CHCHD3: variants seen among roughly 807,000 people sequenced by gnomAD.
The protein encoded by CHCHD3 is MICOS complex subunit MIC19.
In CHCHD3, 20 loss-of-function variants were observed where a neutral mutation model predicts 38.2. The ratio of observed to expected loss-of-function variants is 0.52; its 90% confidence interval spans 0.37 to 0.76. CHCHD3 has a LOEUF of 0.76. Among genes scored for constraint, CHCHD3 ranks in the 30% least tolerant of loss-of-function variants. The pLI, the probability that CHCHD3 is intolerant of heterozygous loss-of-function variation, is 0.00. For synonymous variants in CHCHD3, 82 were observed against 100.0 expected (o/e 0.82, Z 1.07); for missense variants, 245 against 279.2 (o/e 0.88, Z 0.87).
chr7:132,794,930 C>T (rs1482510404), intron 7 of CHCHD3, among the ~76,000 whole-genome samples: 2 of 152,224 alleles, frequency 1.3e-5, no homozygotes, highest in Admixed American at 6.5e-5. Flanking sequence ...CTCACTATCG[C>T]GCCATGTGGC....
intron 7 of CHCHD3, among the ~76,000 whole-genome samples, chr7:132,792,992 G>A (rs928422227): frequency 2.0e-5 from 3 of 152,198 alleles, no homozygotes; most frequent in African/African-American, 7.2e-5. Flanking sequence ...GGTCCCAGAC[G>A]TAATGCAGAT....
At chr7:133,023,759 G>T (rs1011055950) in intron 3 of CHCHD3, among the ~76,000 whole-genome samples, 2 of 152,022 alleles carry the variant, frequency 1.3e-5, no homozygotes, top group African/African-American at 2.4e-5. Flanking sequence ...TCCTTTCATG[G>T]TGTTTTTTTC....
intron 3 of CHCHD3, among the ~76,000 whole-genome samples, chr7:132,982,934 T>C (rs1171699801): frequency 6.6e-6 from 1 of 152,188 alleles, no homozygotes; most frequent in Non-Finnish European, 1.5e-5. Context: ...TAAATATAAA[T>C]AAATTTTTAA....
At chr7:133,028,669 G>A (rs1182397399) in intron 2 of CHCHD3, among the ~76,000 whole-genome samples, 1 of 152,034 alleles carries the variant, frequency 6.6e-6, no homozygotes, top group Non-Finnish European at 1.5e-5. Context: ...GGCAGATCAC[G>A]AGGTCAGGAG....
intron 3 of CHCHD3, among the ~76,000 whole-genome samples, chr7:133,020,819 C>T (rs1426813657): frequency 6.6e-6 from 1 of 152,136 alleles, no homozygotes; most frequent in Non-Finnish European, 1.5e-5. Context: ...AGACATCAAA[C>T]CCTGAGTCCA....
intron 4 of CHCHD3, among the ~76,000 whole-genome samples, chr7:132,939,314 C>T (rs1810705750): frequency 6.6e-6 from 1 of 152,132 alleles, no homozygotes; most frequent in Non-Finnish European, 1.5e-5. Flanking sequence ...CACTGACTTG[C>T]CCAGAGCAAC....
chr7:132,837,674 C>T (rs1807822369), intron 6 of CHCHD3, among the ~76,000 whole-genome samples: 1 of 152,190 alleles, frequency 6.6e-6, no homozygotes, highest in African/African-American at 2.4e-5. Context: ...AATCTTTCAA[C>T]TAAAGCTGTC....
intron 5 of CHCHD3, among the ~76,000 whole-genome samples, chr7:132,878,839 T>A (rs1323863434): frequency 6.6e-6 from 1 of 152,186 alleles, no homozygotes; most frequent in Non-Finnish European, 1.5e-5. Context: ...TAATTATAGA[T>A]CTGGAAGAGT....
Position 132,885,647 on chromosome 7 carries a change from A to G in CHCHD3, c.453+15T>C. ...CAGATGTGGTAATAGAATCAATGAT[A>G]AAAAATAGTCATACCCTCTCCTCCA... On this transcript the variant is annotated intron_variant, in intron 5 of 7. Transcript: ENST00000262570. 1.9e-6 allele frequency: 3 copies of G among 1,575,124 alleles called. 1 individual carries two copies. Among genetic ancestry groups the G allele is most frequent in the African/African-American group, 2.7e-5 (2 of 72,888 alleles).
intron 3 of CHCHD3, among the ~76,000 whole-genome samples, chr7:132,999,097 A>T (rs1812497778): frequency 6.6e-6 from 1 of 152,130 alleles, no homozygotes; most frequent in African/African-American, 2.4e-5. Flanking sequence ...CCAGCCTGGG[A>T]TACAGAGAGA....
Position 132,826,850 on chromosome 7 carries a change from T to G in CHCHD3, c.524+11549A>C, listed in dbSNP as rs189324131. Among the ~76,000 whole-genome samples the G allele has an allele frequency of 1.4e-4, 21 of 152,324 alleles. No individual in the cohort carries two copies. The East Asian group carries it at 4.0e-3, about 29-fold the overall frequency. On this transcript the variant is annotated intron_variant, in intron 6 of 7. Coordinates refer to ENST00000262570, the MANE Select transcript of CHCHD3 (RefSeq NM_017812.4). ...GAAATCCCTTTATCAAAAGTAATTT[T>G]CAAACCTTATCCAAGCCTACCTACA...
chr7:132,993,009 G>A (rs939044210), intron 3 of CHCHD3, among the ~76,000 whole-genome samples: 2 of 152,174 alleles, frequency 1.3e-5, no homozygotes, highest in African/African-American at 2.4e-5. Context: ...AGTCCTTTTA[G>A]GTGTCATTCC....
intron 5 of CHCHD3, among the ~76,000 whole-genome samples, chr7:132,882,667 G>A (rs755104113): frequency 2.6e-4 from 40 of 152,024 alleles, no homozygotes; most frequent in Non-Finnish European, 5.4e-4. Flanking sequence ...AAATTGGTGA[G>A]TCTATGAGAA....
Position 132,915,762 on chromosome 7 carries a change from T to C in CHCHD3, c.370-30017A>G, listed in dbSNP as rs544953278. Reference sequence around the variant, plus strand: ...CTTAAGAGAGAAGATTTCCTATCCCTGACTTAGCAGATACATTCTTCATTC... The same window carrying C: ...CTTAAGAGAGAAGATTTCCTATCCCCGACTTAGCAGATACATTCTTCATTC... On this transcript the variant is annotated intron_variant, in intron 4 of 7. Coordinates refer to ENST00000262570, the MANE Select transcript of CHCHD3 (RefSeq NM_017812.4). 2.6e-4 allele frequency among the ~76,000 whole-genome samples: 40 copies of C among 152,290 alleles called. No homozygotes were observed. The South Asian group carries it at 7.7e-3, about 29-fold the overall frequency.
At chr7:132,923,525 T>A (rs1418191422) in intron 4 of CHCHD3, among the ~76,000 whole-genome samples, 1 of 152,154 alleles carries the variant, frequency 6.6e-6, no homozygotes, top group African/African-American at 2.4e-5. Flanking sequence ...AGTAGTTACG[T>A]TGAATAAGAT....
intron 7 of CHCHD3, among the ~76,000 whole-genome samples, chr7:132,791,330 G>A (rs369784002): frequency 2.0e-5 from 3 of 152,236 alleles, no homozygotes; most frequent in African/African-American, 7.2e-5. Context: ...ATTTAAGAGT[G>A]GGCTGTTTGG....
intron 3 of CHCHD3, among the ~76,000 whole-genome samples, chr7:133,016,106 A>ATG (rs1813023648): frequency 6.6e-6 from 1 of 152,216 alleles, no homozygotes; most frequent in Admixed American, 6.5e-5. Flanking sequence ...ATTATATTTC[A>ATG]ACATGAGATG....
chr7:133,072,146 G>A (rs907323205), intron 1 of CHCHD3, among the ~76,000 whole-genome samples: 1 of 150,118 alleles, frequency 6.7e-6, no homozygotes, highest in African/African-American at 2.5e-5. Flanking sequence ...CTCCAGCTTG[G>A]GCAACAGAGC....
At chr7:132,930,546 T>G (rs1810489341) in intron 4 of CHCHD3, among the ~76,000 whole-genome samples, 1 of 152,164 alleles carries the variant, frequency 6.6e-6, no homozygotes, top group Non-Finnish European at 1.5e-5. Context: ...TGAACAATCC[T>G]CGAATGCAGA....
Sources: allele counts gnomAD v4.1 joint callset (sites outside exome capture counted in the v4.1 genomes callset), GRCh38; gene constraint gnomAD v4.1.1; transcripts MANE v1.5; gene names NCBI Gene and HGNC (gene_info 2026-07-23, HGNC 2026-07-21).